The following PTPRD variants were observed in gnomAD, a reference collection of about 807,000 sequenced individuals.
PTPRD encodes protein tyrosine phosphatase receptor type D, also known as receptor-type tyrosine-protein phosphatase delta.
In PTPRD, 34 loss-of-function variants were observed where a neutral mutation model predicts 214.5. That is an observed-to-expected ratio of 0.16 (90% CI 0.12 to 0.21). The LOEUF (loss-of-function observed/expected upper bound fraction) is 0.21, where lower values mean the gene tolerates loss of function less well. PTPRD is among the 10% of genes least tolerant of loss of function. The pLI, the probability that PTPRD is intolerant of heterozygous loss-of-function variation, is 1.00. For synonymous variants in PTPRD, 1,128 were observed against 845.7 expected (o/e 1.33, Z -5.79); for missense variants, 2,545 against 2,398.7 (o/e 1.06, Z -1.27).
At chr9:8,813,463 T>C (rs1460261480) in intron 11 of PTPRD, among the ~76,000 whole-genome samples, 2 of 152,186 alleles carry the variant, frequency 1.3e-5, no homozygotes, top group Non-Finnish European at 2.9e-5. Flanking sequence ...CTTGACCTCC[T>C]AGGCTGAAGC....
intron 4 of PTPRD, among the ~76,000 whole-genome samples, chr9:9,944,631 G>A (rs944224217): frequency 6.6e-6 from 1 of 151,960 alleles, no homozygotes; most frequent in African/African-American, 2.4e-5. Context: ...TCCAAGAATA[G>A]GCCACATGAA....
intron 5 of PTPRD, among the ~76,000 whole-genome samples, chr9:9,823,579 C>T (rs2051561366): frequency 2.0e-5 from 3 of 151,980 alleles, no homozygotes; most frequent in Non-Finnish European, 4.4e-5. Context: ...TCATTTGAAA[C>T]AACATGAATG....
intron 8 of PTPRD, among the ~76,000 whole-genome samples, chr9:9,558,747 T>C (rs1490494441): frequency 3.3e-5 from 5 of 152,168 alleles, no homozygotes; most frequent in Non-Finnish European, 5.9e-5. Flanking sequence ...TTATCAGTAC[T>C]AGGCTGGACT....
At chr9:8,473,804 C>T (rs1591449345) in intron 30 of PTPRD, among the ~76,000 whole-genome samples, 1 of 152,272 alleles carries the variant, frequency 6.6e-6, no homozygotes, top group East Asian at 1.9e-4. Context: ...GGCAAGATAT[C>T]CACAACCTTT....
intron 7 of PTPRD, among the ~76,000 whole-genome samples, chr9:9,678,989 C>T (rs1400454895): frequency 6.6e-6 from 1 of 151,560 alleles, no homozygotes; most frequent in Non-Finnish European, 1.5e-5. Flanking sequence ...AATTTTGGTA[C>T]ATCAGAGTAA....
At chr9:9,988,370 T>C (rs1295000523) in intron 4 of PTPRD, among the ~76,000 whole-genome samples, 1 of 152,206 alleles carries the variant, frequency 6.6e-6, no homozygotes, top group African/African-American at 2.4e-5. Context: ...TTATTATGAA[T>C]GCCAACTTTC....
intron 3 of PTPRD, among the ~76,000 whole-genome samples, chr9:10,141,486 G>A (rs931764947): frequency 6.6e-6 from 1 of 152,078 alleles, no homozygotes; most frequent in African/African-American, 2.4e-5. Flanking sequence ...AATCATGAGT[G>A]AACTCCCATT....
chr9:9,730,168 G>A (rs1013787818), intron 7 of PTPRD, among the ~76,000 whole-genome samples: 4 of 151,862 alleles, frequency 2.6e-5, no homozygotes, highest in Non-Finnish European at 5.9e-5. Flanking sequence ...TTCAATTCTT[G>A]GAAAATACAA....
At chr9:8,729,682 A>G (rs1479744678) in intron 12 of PTPRD, among the ~76,000 whole-genome samples, 1 of 152,216 alleles carries the variant, frequency 6.6e-6, no homozygotes, top group African/African-American at 2.4e-5. Context: ...AAAGAGCAAG[A>G]TTGATCAAAA....
chr9:9,811,156 A>G (rs1378436131), intron 5 of PTPRD, among the ~76,000 whole-genome samples: 1 of 152,014 alleles, frequency 6.6e-6, no homozygotes, highest in African/African-American at 2.4e-5. Flanking sequence ...GAGAGCCGAG[A>G]TTGTGACATA....
intron 39 of PTPRD, among the ~76,000 whole-genome samples, chr9:8,344,907 G>T (rs1009114633): frequency 3.4e-5 from 2 of 58,282 alleles, no homozygotes; most frequent in Non-Finnish European, 1.4e-4. Context: ...AATACCAAGT[G>T]TTTTGCAAAC....
intron 3 of PTPRD, among the ~76,000 whole-genome samples, chr9:10,076,246 T>C (rs774537850): frequency 5.9e-5 from 9 of 152,104 alleles, no homozygotes; most frequent in Non-Finnish European, 1.0e-4. Context: ...TACTTCCACG[T>C]ACATGCTGCA....
chr9:9,269,080 G>A (rs1010306045), intron 9 of PTPRD, among the ~76,000 whole-genome samples: 1 of 150,620 alleles, frequency 6.6e-6, no homozygotes, highest in Non-Finnish European at 1.5e-5. Flanking sequence ...GGAAATCTAC[G>A]GAATGGGAAA....
chr9:8,771,526 A>G (rs529818027), intron 11 of PTPRD, among the ~76,000 whole-genome samples: 94 of 152,326 alleles, frequency 6.2e-4, no homozygotes, highest in African/African-American at 2.2e-3. Context: ...GACTTTAAAT[A>G]AGTATTCAGT....
At chr9:9,054,045 A>G (rs2099691664) in intron 10 of PTPRD, among the ~76,000 whole-genome samples, 1 of 152,180 alleles carries the variant, frequency 6.6e-6, no homozygotes, top group South Asian at 2.1e-4. Flanking sequence ...AACAATAACA[A>G]TGATAACAAT....
chr9:9,280,877 T>C (rs992716492), intron 9 of PTPRD, among the ~76,000 whole-genome samples: 2 of 151,180 alleles, frequency 1.3e-5, no homozygotes, highest in African/African-American at 4.8e-5. Flanking sequence ...AGACTTCCTA[T>C]AAAGCTAGTT....
intron 5 of PTPRD, among the ~76,000 whole-genome samples, chr9:9,891,977 C>T (rs368747456): frequency 1.3e-5 from 2 of 151,994 alleles, no homozygotes; most frequent in Admixed American, 6.6e-5. Flanking sequence ...AGCTAGAAAA[C>T]AGAAATGGCC....
chr9:9,930,694 C>T lies in PTPRD; in HGVS notation c.-368+7813G>A, dbSNP rs147612835. ...TATATCAGTATGGCTATTCTGCTTACACTTGACACAAATATAATATTTAAA... is the reference window on the plus strand; with the variant it reads ...TATATCAGTATGGCTATTCTGCTTATACTTGACACAAATATAATATTTAAA... On this transcript the variant is annotated intron_variant, in intron 5 of 45. Coordinates refer to ENST00000381196, the MANE Select transcript of PTPRD (RefSeq NM_002839.4). 1.1e-4 allele frequency among the ~76,000 whole-genome samples: 16 copies of T among 152,114 alleles called. No individual in the cohort carries two copies. In the East Asian group the frequency reaches 3.1e-3, roughly 29 times the overall value.
intron 2 of PTPRD, among the ~76,000 whole-genome samples, chr9:10,562,444 G>A (rs1331834635): frequency 6.6e-6 from 1 of 151,836 alleles, no homozygotes; most frequent in African/African-American, 2.4e-5. Flanking sequence ...TAAGGGAAGA[G>A]CAGCAATATA....
Sources: allele counts gnomAD v4.1 joint callset (sites outside exome capture counted in the v4.1 genomes callset), GRCh38; gene constraint gnomAD v4.1.1; transcripts MANE v1.5; gene names NCBI Gene and HGNC (gene_info 2026-07-23, HGNC 2026-07-21).